TRIM66: variants seen among roughly 807,000 people sequenced by gnomAD.
The protein encoded by TRIM66 is tripartite motif-containing protein 66.
A neutral mutation model predicts 148.2 loss-of-function variants in TRIM66; 99 were observed. The observed-to-expected ratio is 0.67, with a 90% CI of 0.57 to 0.79. The LOEUF (loss-of-function observed/expected upper bound fraction) is 0.79, where lower values mean the gene tolerates loss of function less well. TRIM66 is among the 30% of genes least tolerant of loss of function. The pLI is 0.00. For missense variants in TRIM66, 1,666 were observed against 1,697.9 expected (o/e 0.98, Z 0.33); for synonymous variants, 616 against 635.9 (o/e 0.97, Z 0.47).
At position 8,617,720 on chromosome 11, in the gene TRIM66, T is replaced by C. The variant is rs2033810717; in HGVS notation, c.*224A>G. The C allele has an allele frequency of 1.5e-5, 8 of 544,694 alleles. No homozygotes were observed. In the East Asian group the frequency reaches 2.0e-4, roughly 14 times the overall value. 33.7% of individuals were successfully genotyped at this position (544,694 alleles called of 1,614,324 possible). ...ATACATCTGATTACTCTGGTAATAATAAATACCTTCCTCTTTCCTGTTTAT... is the reference window on the plus strand; with the variant it reads ...ATACATCTGATTACTCTGGTAATAACAAATACCTTCCTCTTTCCTGTTTAT... On this transcript the variant is annotated 3_prime_UTR_variant, in exon 25 of 25. Transcript: ENST00000646038.
At chr11:8,666,020 C>T (rs964410693) in intron 6 of TRIM66, among the ~76,000 whole-genome samples, 1 of 151,900 alleles carries the variant, frequency 6.6e-6, no homozygotes, top group African/African-American at 2.4e-5. Context: ...AACCATGACC[C>T]AGCCAGACTG....
rs757188503 is a variant in TRIM66, at chr11:8,640,234, G to C, written c.2141C>G (p.Thr714Ser). ...APVQSQSQEETLQATDEPPAS... is the reference protein window; with the variant it reads ...APVQSQSQEESLQATDEPPAS... ...AGCCACCCTGACGCTTACCTGCAGG[G>C]TCTCCTCCTGGCTCTGGGACTGGAC... The change falls in exon 14 of 25, where the codon ACC becomes AGC. Residue 714 changes from threonine (T) to serine (S), a missense_variant. Thr to Ser is a moderately conservative substitution (Grantham distance 58). Transcript: ENST00000646038. 1 of 1,551,126 alleles carries C rather than the reference G, an allele frequency of 6.4e-7. No homozygotes were observed. The highest frequency in any genetic ancestry group is 8.7e-7 in the Non-Finnish European group (1 of 1,146,586).
intron 12 of TRIM66, among the ~76,000 whole-genome samples, chr11:8,644,899 C>G (rs1367071046): frequency 6.6e-6 from 1 of 152,196 alleles, no homozygotes; most frequent in African/African-American, 2.4e-5. Flanking sequence ...TTCACCCATG[C>G]AGCATTGTCA....
chr11:8,622,933 C>T (rs1328736702), intron 17 of TRIM66, 57 bp from the exon 18 acceptor site: 1 of 1,424,682 alleles, frequency 7.0e-7, no homozygotes, highest in Non-Finnish European at 9.7e-7. Context: ...CAAACCCCGT[C>T]ATGCATATCT....
intron 17 of TRIM66, among the ~76,000 whole-genome samples, chr11:8,623,834 T>A (rs1346791212): frequency 2.0e-5 from 3 of 152,142 alleles, no homozygotes; most frequent in Non-Finnish European, 2.9e-5. Flanking sequence ...ACCAGGAAAA[T>A]CCTTACTACT....
In TRIM66 at chr11:8,612,269, C is replaced by T. The variant is rs2033442942; in HGVS notation, c.*5675G>A. On this transcript the variant is annotated 3_prime_UTR_variant, in exon 25 of 25. Transcript: ENST00000646038. ...CAGCACCAGCTGATAAGAACTTTCC[C>T]CAAAGCAGCTCTGTTTGGCTTGTGA... The T allele has an allele frequency of 6.6e-6, 1 of 152,326 alleles. No homozygotes were observed. Among genetic ancestry groups the T allele is most frequent in the African/African-American group, 2.4e-5 (1 of 41,550 alleles). The allele number at this position is 152,326 out of a possible 1,614,324, so 9.4% of individuals were successfully genotyped here.
At position 8,621,047 on chromosome 11, in the gene TRIM66, A is replaced by G; in HGVS notation, c.3530T>C (p.Leu1177Ser). 1 of 1,551,636 alleles carries G rather than the reference A, an allele frequency of 6.4e-7. No individual in the cohort carries two copies. Among genetic ancestry groups the G allele is most frequent in the African/African-American group, 1.4e-5 (1 of 73,166 alleles). The change falls in exon 20 of 25, where the codon TTG (leucine) becomes TCG (serine). Residue 1177 changes from leucine to serine, a missense_variant. Leu to Ser is a moderately radical substitution (Grantham distance 145). This residue lies in a region of TRIM66 where 31 missense variants were observed against 54.4 expected (regional missense o/e 0.57). Transcript: ENST00000646038. ...VFHLSCHVPA[L>S]LSFPGGEWVC... ...CATGACTCACCCTGGGAAGCTGAGC[A>G]AGGCTGGCACATGGCAGGAGAGGTG...
intron 4 of TRIM66, among the ~76,000 whole-genome samples, chr11:8,672,937 CTTT>C (rs35703499): frequency 7.2e-5 from 8 of 111,808 alleles, no homozygotes; most frequent in African/African-American, 1.1e-4. Flanking sequence ...GGCCCATACT[CTTT>C]TTTTTTTTTT....
Position 8,640,854 on chromosome 11 carries a change from CT to C in TRIM66, c.1520del (p.Gln507ArgfsTer45). 2 of 1,550,392 alleles carry C rather than the reference CT, an allele frequency of 1.3e-6. No homozygotes were observed. The highest frequency in any genetic ancestry group is 1.7e-6 in the Non-Finnish European group (2 of 1,146,938). On this transcript the variant is annotated frameshift_variant, in exon 14 of 25. Transcript: ENST00000646038. LOFTEE classifies it high-confidence loss of function. The part of the protein sequence containing the change: ...EMVPQQLGSL[Q>X]CSALLPREKE... The stretch of plus-strand genomic sequence containing the variant: ...TCTCCCTGGGCAGCAGGGCAGAGCA[CT>C]GCAGAGACCCCAGCTGCTGGGGCAC...
chr11:8,618,787 T>C lies in TRIM66; in HGVS notation c.4082A>G (p.Gln1361Arg), dbSNP rs1176424415. 2.6e-6 allele frequency: 4 copies of C among 1,550,956 alleles called. No homozygotes were observed. Among genetic ancestry groups the C allele is most frequent in the African/African-American group, 2.7e-5 (2 of 72,962 alleles). Reference sequence around the variant, plus strand: ...CCGCCTCTTGGGTTGGATGCCCTCCTGCATGTAGGGAGGCCACGGGAAGCC... The same window carrying C: ...CCGCCTCTTGGGTTGGATGCCCTCCCGCATGTAGGGAGGCCACGGGAAGCC... ...PQGFPWPPYM[Q>R]EGIQPKRRRR... is the part of the protein sequence containing the mutation. The change falls in exon 24 of 25, where the codon CAG becomes CGG. Residue 1361 changes from glutamine (Q) to arginine (R), a missense_variant. Gln to Arg is a conservative substitution (Grantham distance 43). This residue lies in a region of TRIM66 where 204 missense variants were observed against 231.0 expected (regional missense o/e 0.88). Transcript: ENST00000646038.
chr11:8,680,922 A>G (rs10769940), intron 1 of TRIM66: 98,293 of 152,032 alleles, frequency 0.65, 31,974 homozygotes, highest in Middle Eastern at 0.73. Flanking sequence ...AGATTAAAGT[A>G]CAACAGAAAG....
chr11:8,667,345 T>C (rs1350089899), intron 6 of TRIM66, among the ~76,000 whole-genome samples: 1 of 152,160 alleles, frequency 6.6e-6, no homozygotes, highest in Non-Finnish European at 1.5e-5. Flanking sequence ...ACAAAAAACA[T>C]AGATAAGTTG....
chr11:8,666,546 G>A lies in TRIM66; in HGVS notation c.340+5240C>T, dbSNP rs2038611678. Among the ~76,000 whole-genome samples the A allele has an allele frequency of 5.3e-5, 8 of 151,758 alleles. No individual in the cohort carries two copies. In the South Asian group the frequency reaches 1.7e-3, roughly 31 times the overall value. On this transcript the variant is annotated intron_variant, in intron 6 of 24. Transcript: ENST00000646038. ...ACCTTCTTTCTATAAACGAGGCATA[G>A]TACAGAAGGCTTTATGTATATGTCC... is the stretch of plus-strand genomic sequence containing the variant.
chr11:8,681,170 G>A (rs1431460642), intron 1 of TRIM66, among the ~76,000 whole-genome samples: 2 of 145,512 alleles, frequency 1.4e-5, no homozygotes, highest in Non-Finnish European at 3.0e-5. Flanking sequence ...GTCTCGTTCT[G>A]TCGCCCAGGC....
intron 6 of TRIM66, among the ~76,000 whole-genome samples, chr11:8,661,624 G>C (rs2038261990): frequency 6.6e-6 from 1 of 152,176 alleles, no homozygotes; most frequent in African/African-American, 2.4e-5. Flanking sequence ...GAAAGCCCTG[G>C]ACTGTCAGGC....
Position 8,621,816 on chromosome 11 carries a change from G to A in TRIM66, c.3084C>T (p.Ala1028=), listed in dbSNP as rs2034248549. 6.5e-7 allele frequency: 1 copy of A among 1,541,614 alleles called. No homozygotes were observed. Among genetic ancestry groups the A allele is most frequent in the African/African-American group, 1.4e-5 (1 of 72,482 alleles). ...LDAKENQSIR[A]FNSEHKIPYV... is the part of the protein sequence containing the mutation. ...AGGGAATCTTATGCTCACTATTGAA[G>A]GCTCTGCAGCAAGACAGACACCCCG... The change falls in exon 19 of 25, where the codon GCC becomes GCT. Residue 1028 remains alanine (A), a synonymous_variant. Coordinates refer to ENST00000646038, the MANE Select transcript of TRIM66 (RefSeq NM_001388022.1).
intron 6 of TRIM66, among the ~76,000 whole-genome samples, chr11:8,660,517 T>C (rs1489124299): frequency 6.6e-6 from 1 of 152,238 alleles, no homozygotes; most frequent in Non-Finnish European, 1.5e-5. Flanking sequence ...TGCCCATTCA[T>C]TTCCATATTG....
chr11:8,669,598 G>A (rs952592087), intron 6 of TRIM66, among the ~76,000 whole-genome samples: 5 of 150,042 alleles, frequency 3.3e-5, no homozygotes, highest in South Asian at 2.1e-4. Context: ...AGCCGAGATC[G>A]CACCACTGCA....
intron 6 of TRIM66, among the ~76,000 whole-genome samples, chr11:8,664,690 T>C (rs1425711123): frequency 6.6e-6 from 1 of 152,194 alleles, no homozygotes; most frequent in Non-Finnish European, 1.5e-5. Flanking sequence ...CCAGGCTTTA[T>C]TGATTAAGTC....
Sources: gnomAD v4.1 joint callset for allele counts (sites outside exome capture counted in the v4.1 genomes callset) on GRCh38, gnomAD v4.1.1 for gene constraint, gnomAD v4.1.1 regional missense constraint, MANE v1.5 for transcripts, NCBI Gene and HGNC (gene_info 2026-07-23, HGNC 2026-07-21) for gene names.